The following GAB2 variants were observed in gnomAD, a reference collection of about 807,000 sequenced individuals.
GAB2 encodes GRB2 associated binding protein 2.
GAB2 carries 26 observed loss-of-function variants against 65.5 expected under a neutral mutation model. That is an observed-to-expected ratio of 0.40 (90% CI 0.29 to 0.55). GAB2 has a LOEUF of 0.55. Ranked by LOEUF, GAB2 falls within the 20% of genes least tolerant of loss-of-function variation. The probability of loss-of-function intolerance (pLI) is 0.53; values close to 1 mark genes in which losing one functional copy is unlikely to be tolerated. For missense variants in GAB2, 884 were observed against 875.8 expected (o/e 1.01, Z -0.12); for synonymous variants, 321 against 329.6 (o/e 0.97, Z 0.28).
intron 1 of GAB2, among the ~76,000 whole-genome samples, chr11:78,311,870 C>G (rs188099454): frequency 6.6e-6 from 1 of 152,266 alleles, no homozygotes; most frequent in African/African-American, 2.4e-5. Context: ...CCAGGTCATA[C>G]AGAGGCCAGA....
intron 1 of GAB2, among the ~76,000 whole-genome samples, chr11:78,354,524 G>A (rs968622263): frequency 3.9e-5 from 6 of 152,006 alleles, no homozygotes; most frequent in Non-Finnish European, 8.8e-5. Context: ...TGGCATGAAC[G>A]ACAACAGGAC....
intron 3 of GAB2, among the ~76,000 whole-genome samples, chr11:78,244,391 CAAAA>C (rs57201573): frequency 0.16 from 23,401 of 149,316 alleles, 2,281 homozygotes; most frequent in East Asian, 0.4. Flanking sequence ...GATTCTGTCT[CAAAA>C]GAAAGAAAAA....
intron 3 of GAB2, among the ~76,000 whole-genome samples, chr11:78,236,976 A>C (rs1195766351): frequency 6.6e-6 from 1 of 152,118 alleles, no homozygotes; most frequent in East Asian, 1.9e-4. Context: ...ATTTCTGTTT[A>C]TTATTCATGG....
intron 1 of GAB2, among the ~76,000 whole-genome samples, chr11:78,338,557 T>C (rs1208169922): frequency 6.6e-6 from 1 of 152,226 alleles, no homozygotes. Context: ...AAAATATTCC[T>C]GAGATAAATG....
chr11:78,221,080 G>A (rs1006441), intron 8 of GAB2, among the ~76,000 whole-genome samples: 1,663 of 152,094 alleles, frequency 0.011, 40 homozygotes, highest in African/African-American at 0.038. Flanking sequence ...ATCCAGGCTC[G>A]TGCTCTAGCA....
At chr11:78,314,061 G>T (rs1349272646) in intron 1 of GAB2, among the ~76,000 whole-genome samples, 2 of 152,196 alleles carry the variant, frequency 1.3e-5, no homozygotes, top group Non-Finnish European at 2.9e-5. Flanking sequence ...GTCAAGTCCT[G>T]TGCAATTCAC....
intron 2 of GAB2, among the ~76,000 whole-genome samples, chr11:78,275,986 T>G (rs967650445): frequency 1.3e-5 from 2 of 151,580 alleles, no homozygotes; most frequent in African/African-American, 4.8e-5. Context: ...TGGTGTTGCC[T>G]GTCTATAATC....
intron 1 of GAB2, among the ~76,000 whole-genome samples, chr11:78,398,427 A>G (rs972949305): frequency 1.3e-5 from 2 of 152,262 alleles, no homozygotes; most frequent in African/African-American, 4.8e-5. Context: ...CGTGATATTT[A>G]TAAGACTTAT....
At chr11:78,378,815 C>A (rs910889793) in intron 1 of GAB2, among the ~76,000 whole-genome samples, 1 of 152,144 alleles carries the variant, frequency 6.6e-6, no homozygotes, top group African/African-American at 2.4e-5. Context: ...TTAACCAAAT[C>A]ATATGGCAGA....
intron 1 of GAB2, among the ~76,000 whole-genome samples, chr11:78,295,563 G>C (rs1195357006): frequency 6.6e-6 from 1 of 152,128 alleles, no homozygotes; most frequent in Non-Finnish European, 1.5e-5. Context: ...CTTATGGAAA[G>C]GGCAGACAAG....
intron 3 of GAB2, among the ~76,000 whole-genome samples, chr11:78,247,051 C>A (rs1865319495): frequency 6.6e-6 from 1 of 152,308 alleles, no homozygotes; most frequent in South Asian, 2.1e-4. Context: ...CCCAATGGGG[C>A]TCCTCTTCTG....
At chr11:78,402,695 C>T (rs1856989999) in intron 1 of GAB2, among the ~76,000 whole-genome samples, 1 of 152,058 alleles carries the variant, frequency 6.6e-6, no homozygotes, top group African/African-American at 2.4e-5. Flanking sequence ...AGGTGACCTG[C>T]CCGCCTCGGC....
intron 1 of GAB2, among the ~76,000 whole-genome samples, chr11:78,393,141 T>C (rs1384882274): frequency 6.6e-6 from 1 of 152,188 alleles, no homozygotes; most frequent in East Asian, 1.9e-4. Flanking sequence ...GAGGCAGGCC[T>C]TGAAACTGAG....
rs574436448 is a variant in GAB2 at position 78,257,260 on chromosome 11, T to C, written c.377-6860A>G. 2.0e-5 allele frequency among the ~76,000 whole-genome samples: 3 copies of C among 152,306 alleles called. No homozygotes were observed. In the South Asian group the frequency reaches 6.2e-4, roughly 32 times the overall value. On this transcript the variant is annotated intron_variant, in intron 2 of 9. Coordinates refer to ENST00000361507, the MANE Select transcript of GAB2 (RefSeq NM_080491.3). ...GGCGGGAGTTTCTGGAAAAGATGACTGGCCAAATAATGACTAGTTCCCTTA... is the reference window on the plus strand; with the variant it reads ...GGCGGGAGTTTCTGGAAAAGATGACCGGCCAAATAATGACTAGTTCCCTTA...
At chr11:78,236,452 C>CT (rs976600124) in intron 3 of GAB2, among the ~76,000 whole-genome samples, 3 of 152,128 alleles carry the variant, frequency 2.0e-5, no homozygotes, top group Non-Finnish European at 2.9e-5. Context: ...CACCAGGACT[C>CT]TTATTTATTT....
intron 3 of GAB2, among the ~76,000 whole-genome samples, chr11:78,244,983 C>G (rs1365951165): frequency 1.3e-5 from 2 of 152,202 alleles, no homozygotes; most frequent in African/African-American, 2.4e-5. Context: ...GCTATTTGCA[C>G]CCCTATGTTT....
intron 3 of GAB2, among the ~76,000 whole-genome samples, chr11:78,244,301 A>T (rs928820229): frequency 6.6e-6 from 1 of 152,098 alleles, no homozygotes; most frequent in Admixed American, 6.5e-5. Context: ...CTAAGCCAGG[A>T]GAGTCATTTG....
At chr11:78,385,040 T>TA (rs1175558014) in intron 1 of GAB2, among the ~76,000 whole-genome samples, 1 of 152,100 alleles carries the variant, frequency 6.6e-6, no homozygotes, top group East Asian at 1.9e-4. Flanking sequence ...GGGTTAAAGC[T>TA]AAAAAATGAC....
intron 1 of GAB2, among the ~76,000 whole-genome samples, chr11:78,309,971 T>TGCGCGCGCGC (rs1330078501): frequency 2.5e-5 from 3 of 120,084 alleles, no homozygotes; most frequent in African/African-American, 1.1e-4. Flanking sequence ...TGTGTGTGTG[T>TGCGCGCGCGC]GCGCGCGCGC....
Sources: allele counts gnomAD v4.1 joint callset (sites outside exome capture counted in the v4.1 genomes callset), GRCh38; gene constraint gnomAD v4.1.1; transcripts MANE v1.5; gene names NCBI Gene and HGNC (gene_info 2026-07-23, HGNC 2026-07-21).